Variants in PEX5L observed in about 807,000 individuals in gnomAD.
PEX5L encodes the protein peroxisomal biogenesis factor 5 like, also known as PEX5-related protein.
In PEX5L, 30 loss-of-function variants were observed where a neutral mutation model predicts 84.0. The ratio of observed to expected loss-of-function variants is 0.36; its 90% CI spans 0.27 to 0.48. The LOEUF is 0.48. Among genes scored for constraint, PEX5L ranks in the 20% least tolerant of loss-of-function variants. The pLI is 0.99. For missense variants in PEX5L, 533 were observed against 754.6 expected, an observed-to-expected ratio of 0.71 and a Z score of 3.44; for synonymous variants, 270 against 283.1, an observed-to-expected ratio of 0.95 and a Z score of 0.46.
At chr3:179,982,324 T>C (rs1032060434) in intron 1 of PEX5L, among the ~76,000 whole-genome samples, 1 of 152,306 alleles carries the variant, frequency 6.6e-6, no homozygotes, top group South Asian at 2.1e-4. Context: ...TTCAATTACA[T>C]GTAAGCACAC....
At chr3:179,864,000 T>A (rs764235811) in intron 7 of PEX5L, among the ~76,000 whole-genome samples, 1 of 151,236 alleles carries the variant, frequency 6.6e-6, no homozygotes, top group Non-Finnish European at 1.5e-5. Flanking sequence ...TAAGGGGGAG[T>A]TTCCCTGCAC....
At chr3:179,963,453 T>C (rs956084963) in intron 2 of PEX5L, among the ~76,000 whole-genome samples, 4 of 152,114 alleles carry the variant, frequency 2.6e-5, no homozygotes, top group African/African-American at 9.7e-5. Context: ...TGTCCATTAA[T>C]TTAATCAGAT....
At chr3:179,917,673 G>A (rs577190153) in intron 2 of PEX5L, among the ~76,000 whole-genome samples, 6 of 151,878 alleles carry the variant, frequency 4.0e-5, no homozygotes, top group East Asian at 3.9e-4. Flanking sequence ...TTTTTGAGAC[G>A]GAGTTTTGCT....
intron 1 of PEX5L, chr3:179,973,887 A>G: frequency 1.0e-6 from 1 of 985,498 alleles, no homozygotes; most frequent in Non-Finnish European, 1.2e-6. Context: ...GTCTCCAAAC[A>G]GCACACAACA....
chr3:179,937,743 G>A (rs2109745211), intron 2 of PEX5L, among the ~76,000 whole-genome samples: 1 of 152,264 alleles, frequency 6.6e-6, no homozygotes, highest in South Asian at 2.1e-4. Flanking sequence ...TGGTAACTCT[G>A]GAACCTTAGT....
intron 1 of PEX5L, among the ~76,000 whole-genome samples, chr3:179,989,594 T>C (rs1175604996): frequency 6.6e-6 from 1 of 152,198 alleles, no homozygotes; most frequent in Non-Finnish European, 1.5e-5. Context: ...TATATCTCAA[T>C]GTAATGATAT....
intron 2 of PEX5L, among the ~76,000 whole-genome samples, chr3:179,903,530 C>T (rs1197978656): frequency 2.6e-5 from 4 of 152,152 alleles, no homozygotes; most frequent in Admixed American, 6.5e-5. Flanking sequence ...ATACCTGGCA[C>T]GGTCTTTAGT....
Position 179,875,411 on chromosome 3 carries a change from T to TG in PEX5L, c.571dup (p.His191ProfsTer12). ...GGATGATTTTCTCTCTGCCATTGGA[T>TG]GTCCCTTGGTATTTCGATCTCCATG... On this transcript the variant is annotated frameshift_variant, in exon 6 of 15. Coordinates refer to ENST00000467460, the MANE Select transcript of PEX5L (RefSeq NM_016559.3). LOFTEE classifies it high-confidence loss of function. The TG allele has an allele frequency of 6.2e-7, 1 of 1,613,202 alleles. No individual in the cohort carries two copies. The highest frequency in any genetic ancestry group is 8.5e-7 in the Non-Finnish European group (1 of 1,179,170).
chr3:179,856,240 A>T (rs925465656), intron 8 of PEX5L, among the ~76,000 whole-genome samples: 2 of 152,266 alleles, frequency 1.3e-5, no homozygotes, highest in Non-Finnish European at 2.9e-5. Flanking sequence ...CACATAGTAC[A>T]TTCTTTAACA....
At chr3:179,853,118 A>C (rs1169635075) in intron 8 of PEX5L, among the ~76,000 whole-genome samples, 1 of 152,156 alleles carries the variant, frequency 6.6e-6, no homozygotes, top group Non-Finnish European at 1.5e-5. Context: ...TAACTATATC[A>C]CATGGTAAGC....
At chr3:179,845,940 C>T (rs566430070) in intron 8 of PEX5L, among the ~76,000 whole-genome samples, 4 of 152,140 alleles carry the variant, frequency 2.6e-5, no homozygotes, top group African/African-American at 9.7e-5. Context: ...GAGGCTGAGA[C>T]GGGCAGATCA....
intron 11 of PEX5L, 131 bp downstream of exon 11, chr3:179,811,670 G>A (rs905064177): frequency 2.8e-5 from 20 of 714,304 alleles, no homozygotes; most frequent in African/African-American, 2.6e-4. Flanking sequence ...AGTGATATGC[G>A]GTATCTCAGC....
intron 2 of PEX5L, among the ~76,000 whole-genome samples, chr3:179,911,845 C>A (rs930125655): frequency 6.6e-6 from 1 of 152,182 alleles, no homozygotes; most frequent in East Asian, 1.9e-4. Context: ...TCTATCCAAC[C>A]ACAGTTATAT....
intron 2 of PEX5L, among the ~76,000 whole-genome samples, chr3:179,907,094 G>A (rs909852887): frequency 6.6e-6 from 1 of 152,032 alleles, no homozygotes; most frequent in Non-Finnish European, 1.5e-5. Flanking sequence ...ATGGGGTCAA[G>A]ACAATGAAAA....
intron 2 of PEX5L, among the ~76,000 whole-genome samples, chr3:179,929,489 AT>A (rs5854851): frequency 0.69 from 89,339 of 128,922 alleles, 29,709 homozygotes; most frequent in Non-Finnish European, 0.72. Flanking sequence ...TGAAGTTGCC[AT>A]TTTTTTTTTT....
chr3:179,947,403 C>T (rs1228269842), intron 2 of PEX5L, among the ~76,000 whole-genome samples: 1 of 152,002 alleles, frequency 6.6e-6, no homozygotes, highest in East Asian at 1.9e-4. Context: ...AACCCTTACA[C>T]CAATTATGGA....
At chr3:179,885,948 G>C (rs900638980) in intron 4 of PEX5L, among the ~76,000 whole-genome samples, 1 of 152,190 alleles carries the variant, frequency 6.6e-6, no homozygotes, top group African/African-American at 2.4e-5. Context: ...GACTAATACA[G>C]AGGGCAACAT....
chr3:179,934,379 G>A (rs1451789385), intron 2 of PEX5L, among the ~76,000 whole-genome samples: 1 of 152,212 alleles, frequency 6.6e-6, no homozygotes, highest in African/African-American at 2.4e-5. Context: ...AGAAATGGTA[G>A]TGAGAACTAT....
intron 2 of PEX5L, among the ~76,000 whole-genome samples, chr3:179,933,229 C>G (rs1773611244): frequency 6.6e-6 from 1 of 152,196 alleles, no homozygotes; most frequent in Admixed American, 6.5e-5. Flanking sequence ...GTGTGTTTGT[C>G]CTGCCCATGT....
Sources: gnomAD v4.1 joint callset for allele counts (sites outside exome capture counted in the v4.1 genomes callset) on GRCh38, gnomAD v4.1.1 for gene constraint, MANE v1.5 for transcripts, NCBI Gene and HGNC (gene_info 2026-07-23, HGNC 2026-07-21) for gene names.